The following MYCBP2 variants were observed in gnomAD, a reference collection of about 807,000 sequenced individuals.
MYCBP2 encodes the protein MYC binding protein 2.
MYCBP2 carries 120 observed loss-of-function variants against 525.3 expected under a neutral mutation model. The observed-to-expected ratio is 0.23, with a 90% CI of 0.20 to 0.27. The LOEUF (loss-of-function observed/expected upper bound fraction) is 0.27, where lower values mean the gene tolerates loss of function less well. MYCBP2 is among the 10% of genes least tolerant of loss of function. The pLI is 1.00. For synonymous variants in MYCBP2, 1,894 were observed against 1,955.8 expected (o/e 0.97, Z 0.83); for missense variants, 4,149 against 5,657.1 (o/e 0.73, Z 8.55).
At chr13:77,257,440 C>T (rs2072441314) in intron 14 of MYCBP2, among the ~76,000 whole-genome samples, 1 of 151,950 alleles carries the variant, frequency 6.6e-6, no homozygotes, top group Non-Finnish European at 1.5e-5. Context: ...ATGGAGACCC[C>T]ATTTACCCTG....
At chr13:77,202,005 C>T (rs1230825009) in intron 26 of MYCBP2, among the ~76,000 whole-genome samples, 1 of 152,104 alleles carries the variant, frequency 6.6e-6, no homozygotes, top group African/African-American at 2.4e-5. Flanking sequence ...AGAGCAAACA[C>T]ATTCAAAAGC....
At chr13:77,294,106 A>ATATATATATG (rs1555465471) in intron 2 of MYCBP2, among the ~76,000 whole-genome samples, 1 of 44,940 alleles carries the variant, frequency 2.2e-5, no homozygotes, top group African/African-American at 5.4e-5. Context: ...TATAATGGCT[A>ATATATATATG]TATATATATA....
chr13:77,144,311 AAAC>A (rs2055171547), intron 49 of MYCBP2, 131 bp downstream of exon 49: 1 of 643,480 alleles, frequency 1.6e-6, no homozygotes, highest in Non-Finnish European at 2.7e-6. Context: ...ATGAAAGAGA[AAAC>A]AAGGCCTCAA....
chr13:77,257,307 G>C (rs1025082276), intron 14 of MYCBP2, among the ~76,000 whole-genome samples: 1 of 151,976 alleles, frequency 6.6e-6, no homozygotes, highest in Admixed American at 6.6e-5. Context: ...AGATACAAGA[G>C]ATCTACTATT....
intron 55 of MYCBP2, among the ~76,000 whole-genome samples, chr13:77,111,414 A>T (rs2048798750): frequency 6.6e-6 from 1 of 150,660 alleles, no homozygotes; most frequent in Admixed American, 6.6e-5. Context: ...CTGGCTCCTA[A>T]CTTTAATCAG....
At chr13:77,162,063 T>C in intron 43 of MYCBP2, 108 bp from the exon 44 acceptor site, 1 of 740,998 alleles carries the variant, frequency 1.3e-6, no homozygotes, top group Non-Finnish European at 2.2e-6. Context: ...AATTCTGCTA[T>C]TCCAGATTGA....
chr13:77,282,891 T>C (rs146429663), intron 3 of MYCBP2, among the ~76,000 whole-genome samples: 1 of 152,298 alleles, frequency 6.6e-6, no homozygotes, highest in Non-Finnish European at 1.5e-5. Context: ...CTAATTCCTG[T>C]CAATTCTGCT....
Position 77,168,586 on chromosome 13 carries a change from G to T in MYCBP2, c.5956C>A (p.Gln1986Lys). 6.2e-7 allele frequency: 1 copy of T among 1,614,142 alleles called. No individual in the cohort carries two copies. Among genetic ancestry groups the T allele is most frequent in the South Asian group, 1.1e-5 (1 of 91,058 alleles). Residue 1986 changes from glutamine to lysine, a missense_variant, in exon 40 of 83, where the codon CAG becomes AAG. Coordinates refer to ENST00000544440, the MANE Select transcript of MYCBP2 (RefSeq NM_015057.5). ...TTGAAGGCAGGCGGTGCATACTTCT[G>T]ATTCAAAATGGCAACTGACGGAAGC... Reference protein sequence around the residue: ...QLLPSVAILNQKYAPPAFNPN... With the variant: ...QLLPSVAILNKKYAPPAFNPN...
At chr13:77,183,852 C>T (rs1369651866) in intron 32 of MYCBP2, among the ~76,000 whole-genome samples, 2 of 151,948 alleles carry the variant, frequency 1.3e-5, no homozygotes, top group African/African-American at 4.8e-5. Flanking sequence ...CCGGTGAACC[C>T]CTATTTCACT....
intron 26 of MYCBP2, among the ~76,000 whole-genome samples, chr13:77,201,024 C>T (rs1394368289): frequency 7.3e-5 from 11 of 151,600 alleles, no homozygotes; most frequent in East Asian, 1.9e-4. Context: ...AATGACAGGA[C>T]CAAATTCACA....
intron 52 of MYCBP2, among the ~76,000 whole-genome samples, chr13:77,137,779 G>T (rs1013780266): frequency 6.6e-6 from 1 of 151,970 alleles, no homozygotes; most frequent in African/African-American, 2.4e-5. Flanking sequence ...TAGTAGAGAC[G>T]GGGTTTCACC....
At chr13:77,270,566 A>G in intron 5 of MYCBP2, 28 bp from the exon 6 acceptor site, 1 of 1,567,500 alleles carries the variant, frequency 6.4e-7, no homozygotes, top group Non-Finnish European at 8.6e-7. Flanking sequence ...AAAATAATGA[A>G]AAAACATTTT....
At chr13:77,199,702 G>A (rs184461936) in intron 26 of MYCBP2, among the ~76,000 whole-genome samples, 1,946 of 152,322 alleles carry the variant, frequency 0.013, 19 homozygotes, top group Middle Eastern at 0.027. Context: ...TCTGAGAAAG[G>A]GCAGACTGCC....
At chr13:77,294,111 T>TATATATATATATATAC (rs1349188680) in intron 2 of MYCBP2, among the ~76,000 whole-genome samples, 2 of 54,470 alleles carry the variant, frequency 3.7e-5, no homozygotes, top group South Asian at 5.5e-4. Context: ...TGGCTATATA[T>TATATATATATATATAC]ATATATATAT....
At chr13:77,120,000 T>A (rs780182597) in intron 55 of MYCBP2, among the ~76,000 whole-genome samples, 2 of 152,178 alleles carry the variant, frequency 1.3e-5, no homozygotes, top group Non-Finnish European at 2.9e-5. Flanking sequence ...GTCTCAAACA[T>A]TTATATTTAT....
Position 77,093,344 on chromosome 13 carries a change from C to T in MYCBP2, c.10200-12G>A. On this transcript the variant is annotated splice_polypyrimidine_tract_variant and intron_variant, in intron 58 of 82. Transcript: ENST00000544440. ...TTTCATGATGATGCCTGCATTAAAT[C>T]AAACCCAATAACTTAAAGCATGATG... The T allele has an allele frequency of 6.2e-7, 1 of 1,611,376 alleles. No homozygotes were observed. The highest frequency in any genetic ancestry group is 8.5e-7 in the Non-Finnish European group (1 of 1,178,560).
At chr13:77,194,077 T>C in intron 27 of MYCBP2, 76 bp downstream of exon 27, 1 of 883,058 alleles carries the variant, frequency 1.1e-6, no homozygotes, top group South Asian at 2.0e-5. Context: ...CCTTTTAAAG[T>C]ATGTTTATTC....
In MYCBP2 at chr13:77,045,328, T is replaced by C. The variant is rs776744717; in HGVS notation, c.*50A>G. 6 of 1,315,914 alleles carry C rather than the reference T, an allele frequency of 4.6e-6. No homozygotes were observed. The highest frequency in any genetic ancestry group is 2.3e-5 in the East Asian group (1 of 43,404). 81.5% of individuals were successfully genotyped at this position (1,315,914 alleles called of 1,614,324 possible). On this transcript the variant is annotated 3_prime_UTR_variant, in exon 83 of 83. Coordinates refer to ENST00000544440, the MANE Select transcript of MYCBP2 (RefSeq NM_015057.5). ...AGAGTTTAAACTTCACCGCATCCTC[T>C]TGGGGGATGAAGGCAATTTTTCTCT...
At position 77,095,644 on chromosome 13, in the gene MYCBP2, T is replaced by C. The variant is rs531543987; in HGVS notation, c.9955-42A>G. On this transcript the variant is annotated intron_variant, in intron 57 of 82. Transcript: ENST00000544440. The stretch of plus-strand genomic sequence containing the variant: ...TCAAACTAATCTTTTCTGACTTACA[T>C]TAAAATCCTTAGTTTCTTAAGCTAA... 6 of 1,586,844 alleles carry C rather than the reference T, an allele frequency of 3.8e-6. No homozygotes were observed. The East Asian group carries it at 9.0e-5, about 24-fold the overall frequency.
Sources: allele counts gnomAD v4.1 joint callset (sites outside exome capture counted in the v4.1 genomes callset), GRCh38; gene constraint gnomAD v4.1.1; transcripts MANE v1.5; gene names NCBI Gene and HGNC (gene_info 2026-07-23, HGNC 2026-07-21).